HHAT: variants seen among roughly 807,000 people sequenced by gnomAD.
HHAT encodes hedgehog acyltransferase.
HHAT carries 47 observed loss-of-function variants against 70.8 expected under a neutral mutation model. The ratio of observed to expected loss-of-function variants is 0.66; its 90% CI spans 0.53 to 0.85. The LOEUF (loss-of-function observed/expected upper bound fraction) is 0.85. HHAT is among the 40% of genes least tolerant of loss of function. The probability of loss-of-function intolerance (pLI) is 0.00; values close to 1 mark genes in which losing one functional copy is unlikely to be tolerated. For missense variants in HHAT, 609 were observed against 604.8 expected, an observed-to-expected ratio of 1.01 and a Z score of -0.07; for synonymous variants, 228 against 247.6, an observed-to-expected ratio of 0.92 and a Z score of 0.74.
intron 11 of HHAT, among the ~76,000 whole-genome samples, chr1:210,654,297 C>T (rs1313408277): frequency 2.1e-5 from 3 of 144,284 alleles, no homozygotes; most frequent in East Asian, 2.0e-4. Context: ...CATTTCTACA[C>T]GTCCTTAGCC....
intron 6 of HHAT, among the ~76,000 whole-genome samples, chr1:210,405,421 T>G (rs2092290005): frequency 6.6e-6 from 1 of 152,146 alleles, no homozygotes; most frequent in Admixed American, 6.5e-5. Context: ...TAATTGAAAA[T>G]GCCTAAAACA....
Position 210,530,243 on chromosome 1 carries a change from C to T in HHAT, c.1043+17055C>T, listed in dbSNP as rs535763465. ...GAGCACCAAGAAAAACAGTAACCGTCCCAATAAGGATCTTAGCACATTTGA... is the reference window on the plus strand; with the variant it reads ...GAGCACCAAGAAAAACAGTAACCGTTCCAATAAGGATCTTAGCACATTTGA... On this transcript the variant is annotated intron_variant, in intron 9 of 11. Transcript: ENST00000261458. Among the ~76,000 whole-genome samples, 199 of 152,088 alleles carry T rather than the reference C, an allele frequency of 1.3e-3. 1 individual carries two copies. Among genetic ancestry groups the T allele is most frequent in the African/African-American group, 4.6e-3 (191 of 41,414 alleles).
intron 10 of HHAT, among the ~76,000 whole-genome samples, chr1:210,614,018 CAAAAAAAAAA>C (rs55874321): frequency 2.5e-4 from 28 of 111,564 alleles, no homozygotes; most frequent in Admixed American, 7.6e-4. Flanking sequence ...GACCCTGCCT[CAAAAAAAAAA>C]AAAAAAAAAA....
At chr1:210,585,265 T>C (rs977759699) in intron 9 of HHAT, among the ~76,000 whole-genome samples, 6 of 152,140 alleles carry the variant, frequency 3.9e-5, no homozygotes. Flanking sequence ...TCTAAGGTGA[T>C]CAAATAATTT....
Position 210,329,071 on chromosome 1 carries a change from C to G in HHAT, c.-77C>G, listed in dbSNP as rs765259953. On this transcript the variant is annotated 5_prime_UTR_variant, in exon 1 of 12. Transcript: ENST00000261458. ...GTTGGGAACTCGCGGCGCGCGTGAA[C>G]GTTGCCGTCGCCGCCGCCCGGGACA... 122 of 1,428,090 alleles carry G rather than the reference C, an allele frequency of 8.5e-5. No individual in the cohort carries two copies. Among genetic ancestry groups the G allele is most frequent in the Non-Finnish European group, 1.1e-4 (118 of 1,090,662 alleles). 88.5% of individuals were successfully genotyped at this position (1,428,090 alleles called of 1,614,324 possible).
intron 11 of HHAT, among the ~76,000 whole-genome samples, chr1:210,660,493 G>A (rs1261358468): frequency 2.0e-5 from 3 of 152,112 alleles, no homozygotes; most frequent in Non-Finnish European, 2.9e-5. Context: ...TACTGCCCAA[G>A]GTAATTTATA....
chr1:210,364,401 T>C lies in HHAT; in HGVS notation c.159+1482T>C, dbSNP rs550481084. Among the ~76,000 whole-genome samples the C allele has an allele frequency of 3.9e-5, 6 of 152,330 alleles. No homozygotes were observed. The East Asian group carries it at 1.2e-3, about 29-fold the overall frequency. ...TTTACGAATGTAACACTAGCGGATG[T>C]CTTACAGCAGAAAAAAAGATGATTT... On this transcript the variant is annotated intron_variant, in intron 3 of 11. Transcript: ENST00000261458.
chr1:210,624,347 A>G (rs115079818), intron 11 of HHAT, among the ~76,000 whole-genome samples: 2,652 of 152,304 alleles, frequency 0.017, 38 homozygotes, highest in Middle Eastern at 0.031. Context: ...TTTATAAATT[A>G]TACAGTTTTA....
At chr1:210,488,516 A>T (rs1275905590) in intron 8 of HHAT, among the ~76,000 whole-genome samples, 2 of 152,156 alleles carry the variant, frequency 1.3e-5, no homozygotes, top group African/African-American at 4.8e-5. Context: ...TTATTCACTG[A>T]TGTACACCAA....
intron 7 of HHAT, among the ~76,000 whole-genome samples, chr1:210,429,093 A>G (rs753867421): frequency 3.3e-5 from 5 of 151,834 alleles, no homozygotes; most frequent in Middle Eastern, 3.2e-3. Flanking sequence ...TCATAAGATG[A>G]TACTTAAACT....
At chr1:210,481,178 C>A (rs954557913) in intron 8 of HHAT, among the ~76,000 whole-genome samples, 11 of 152,168 alleles carry the variant, frequency 7.2e-5, no homozygotes, top group African/African-American at 1.2e-4. Flanking sequence ...CAGTTAATAT[C>A]ACTTTACAAA....
intron 8 of HHAT, among the ~76,000 whole-genome samples, chr1:210,474,304 T>G (rs184924173): frequency 6.6e-6 from 1 of 152,302 alleles, no homozygotes; most frequent in East Asian, 1.9e-4. Context: ...AATTATTTAT[T>G]TTCTGAGACA....
At chr1:210,658,340 C>G (rs1676899607) in intron 11 of HHAT, among the ~76,000 whole-genome samples, 1 of 151,234 alleles carries the variant, frequency 6.6e-6, no homozygotes, top group Non-Finnish European at 1.5e-5. Context: ...CATCACTCTT[C>G]TAAAGTAGAC....
At chr1:210,629,660 T>C (rs1437609033) in intron 11 of HHAT, among the ~76,000 whole-genome samples, 1 of 152,172 alleles carries the variant, frequency 6.6e-6, no homozygotes, top group Non-Finnish European at 1.5e-5. Flanking sequence ...GGAGAAGCTG[T>C]TTCCTTACCT....
intron 8 of HHAT, among the ~76,000 whole-genome samples, chr1:210,496,548 C>T (rs2094647729): frequency 6.6e-6 from 1 of 152,160 alleles, no homozygotes; most frequent in Non-Finnish European, 1.5e-5. Context: ...ATCATGGAGA[C>T]TGGCCATCAC....
At chr1:210,348,819 T>A in intron 1 of HHAT, 114 bp from the exon 2 acceptor site, 1 of 1,051,738 alleles carries the variant, frequency 9.5e-7, no homozygotes, top group Non-Finnish European at 1.3e-6. Flanking sequence ...GGGTTATGTC[T>A]GTATCACCTT....
intron 9 of HHAT, among the ~76,000 whole-genome samples, chr1:210,555,229 A>T (rs1332645214): frequency 6.6e-6 from 1 of 152,178 alleles, no homozygotes. Flanking sequence ...CCTTGCCATA[A>T]GCACTCACTT....
intron 10 of HHAT, among the ~76,000 whole-genome samples, chr1:210,622,658 C>T (rs866981388): frequency 3.9e-5 from 6 of 152,186 alleles, no homozygotes; most frequent in Non-Finnish European, 7.4e-5. Context: ...TCAGTGCCGA[C>T]GTGTGCTGCG....
At chr1:210,564,062 T>C (rs1485762782) in intron 9 of HHAT, among the ~76,000 whole-genome samples, 1 of 151,812 alleles carries the variant, frequency 6.6e-6, no homozygotes, top group Admixed American at 6.6e-5. Flanking sequence ...CAAGTGATTC[T>C]CCTGCCTCAG....
Sources: allele counts gnomAD v4.1 joint callset (sites outside exome capture counted in the v4.1 genomes callset), GRCh38; gene constraint gnomAD v4.1.1; transcripts MANE v1.5; gene names NCBI Gene and HGNC (gene_info 2026-07-23, HGNC 2026-07-21).